POR: variants seen among roughly 807,000 people sequenced by gnomAD.
The protein encoded by POR is NADPH--cytochrome P450 reductase.
POR carries 56 observed loss-of-function variants against 84.0 expected under a neutral mutation model. That is an observed-to-expected ratio of 0.67 (90% CI 0.54 to 0.83). The LOEUF (loss-of-function observed/expected upper bound fraction) is 0.83. Ranked by LOEUF, POR falls within the 40% of genes least tolerant of loss-of-function variation. The probability of loss-of-function intolerance (pLI) is 0.00; values close to 1 mark genes in which losing one functional copy is unlikely to be tolerated. For missense variants in POR, 938 were observed against 944.3 expected (o/e 0.99, Z 0.09); for synonymous variants, 414 against 400.5 (o/e 1.03, Z -0.40).
chr7:75,957,313 C>T lies in POR; in HGVS notation c.188+3133C>T, dbSNP rs549308625. Among the ~76,000 whole-genome samples the T allele has an allele frequency of 5.3e-5, 8 of 152,196 alleles. No individual in the cohort carries two copies. In the South Asian group the frequency reaches 6.2e-4, roughly 12 times the overall value. ...TGAAAGGACTTTAGAGCAGAGGGCC[C>T]GATATAGGAAGGGCAGATCAGCTGG... On this transcript the variant is annotated intron_variant, in intron 2 of 15. Coordinates refer to ENST00000461988, the MANE Select transcript of POR (RefSeq NM_000941.3).
chr7:75,985,054 T>C lies in POR; in HGVS notation c.1249-4T>C. ...CAGCCCCATCTCACCCCCGTGTCTC[T>C]TAGGAGCTGTACCTGAGCTGGGTGG... On this transcript the variant is annotated splice_polypyrimidine_tract_variant and splice_region_variant and intron_variant, in intron 11 of 15. Coordinates refer to ENST00000461988, the MANE Select transcript of POR (RefSeq NM_000941.3). The C allele has an allele frequency of 6.3e-7, 1 of 1,596,222 alleles. No homozygotes were observed. Among genetic ancestry groups the C allele is most frequent in the Middle Eastern group, 1.7e-4 (1 of 6,040 alleles).
At chr7:75,963,300 A>G (rs903587343) in intron 2 of POR, among the ~76,000 whole-genome samples, 2 of 152,188 alleles carry the variant, frequency 1.3e-5, no homozygotes, top group Non-Finnish European at 2.9e-5. Flanking sequence ...CAGGGGGCCC[A>G]CTGCCTCCCG....
chr7:75,966,957 T>C (rs2116499446), intron 2 of POR, among the ~76,000 whole-genome samples: 1 of 152,256 alleles, frequency 6.6e-6, no homozygotes, highest in Non-Finnish European at 1.5e-5. Context: ...GGCTGGAGCC[T>C]TGGGCTTTCT....
intron 1 of POR, among the ~76,000 whole-genome samples, chr7:75,952,691 G>C (rs1431560062): frequency 6.7e-6 from 1 of 148,442 alleles, no homozygotes; most frequent in Non-Finnish European, 1.5e-5. Flanking sequence ...ACGGGGCGGC[G>C]GGGCAGAGGC....
intron 1 of POR, among the ~76,000 whole-genome samples, chr7:75,948,155 G>C (rs1362601572): frequency 6.6e-6 from 1 of 152,172 alleles, no homozygotes; most frequent in African/African-American, 2.4e-5. Context: ...CCTGTTTCTC[G>C]TTTTGCCCGA....
intron 2 of POR, among the ~76,000 whole-genome samples, chr7:75,966,654 TG>T (rs1403166206): frequency 6.6e-6 from 1 of 152,202 alleles, no homozygotes; most frequent in African/African-American, 2.4e-5. Context: ...TCGAGTCCGC[TG>T]CAGAAAATCC....
intron 8 of POR, among the ~76,000 whole-genome samples, chr7:75,982,548 G>A (rs1054030278): frequency 7.9e-5 from 12 of 152,342 alleles, no homozygotes; most frequent in East Asian, 3.9e-4. Flanking sequence ...CACTGCCCAG[G>A]GCAGCGGGGC....
intron 1 of POR, among the ~76,000 whole-genome samples, chr7:75,939,499 CTG>C (rs1234437925): frequency 2.1e-5 from 3 of 143,590 alleles, no homozygotes; most frequent in Admixed American, 1.4e-4. Flanking sequence ...TTCACAAAGT[CTG>C]TGAATAAGAA....
At chr7:75,956,519 C>G (rs112608256) in intron 2 of POR, among the ~76,000 whole-genome samples, 10 of 152,182 alleles carry the variant, frequency 6.6e-5, no homozygotes, top group African/African-American at 1.9e-4. Context: ...AGTTTCCTCA[C>G]CTGCTAAATG....
intron 1 of POR, among the ~76,000 whole-genome samples, chr7:75,946,299 T>C (rs892304534): frequency 6.6e-6 from 1 of 152,022 alleles, no homozygotes; most frequent in African/African-American, 2.4e-5. Context: ...TGCCTAATTT[T>C]TTCTTGAGAC....
chr7:75,985,733 A>C lies in POR; in HGVS notation c.1553A>C (p.Lys518Thr). The change falls in exon 13 of 16, where the codon AAG (lysine) becomes ACG (threonine). Residue 518 changes from lysine (K) to threonine (T), a missense_variant. Physicochemically the swap from Lys to Thr is moderately conservative, Grantham distance 78 (BLOSUM62 -1). Coordinates refer to ENST00000461988, the MANE Select transcript of POR (RefSeq NM_000941.3). ...GCGCTGGTGCCCATGTTCGTGCGCAAGTCCCAGTTCCGCCTGCCCTTCAAG... is the reference window on the plus strand; with the variant it reads ...GCGCTGGTGCCCATGTTCGTGCGCACGTCCCAGTTCCGCCTGCCCTTCAAG... 6.3e-7 allele frequency: 1 copy of C among 1,588,832 alleles called. No homozygotes were observed. The highest frequency in any genetic ancestry group is 1.3e-5 in the African/African-American group (1 of 74,572).
chr7:75,938,609 A>T (rs1157641796), intron 1 of POR, among the ~76,000 whole-genome samples: 1 of 152,038 alleles, frequency 6.6e-6, no homozygotes, highest in African/African-American at 2.4e-5. Flanking sequence ...AAATTTAAAA[A>T]ATCAGCTGGT....
intron 1 of POR, among the ~76,000 whole-genome samples, chr7:75,951,379 G>A (rs1160677417): frequency 5.9e-5 from 9 of 152,114 alleles, no homozygotes; most frequent in Non-Finnish European, 1.0e-4. Flanking sequence ...GGGTGACAGA[G>A]AGAGACTCTA....
intron 1 of POR, among the ~76,000 whole-genome samples, chr7:75,917,110 C>A (rs1478967903): frequency 6.6e-6 from 1 of 151,654 alleles, no homozygotes; most frequent in Non-Finnish European, 1.5e-5. Context: ...CTCTGTCGTG[C>A]AGGCTGGAGT....
intron 2 of POR, among the ~76,000 whole-genome samples, chr7:75,956,718 G>GT (rs1787702385): frequency 6.6e-6 from 1 of 151,014 alleles, no homozygotes; most frequent in Non-Finnish European, 1.5e-5. Context: ...AAATGAGGGT[G>GT]TTGCAACATA....
chr7:75,950,745 A>T (rs993987605), intron 1 of POR, among the ~76,000 whole-genome samples: 2 of 152,206 alleles, frequency 1.3e-5, no homozygotes, highest in Admixed American at 6.5e-5. Context: ...GGACAACAGA[A>T]TTCACTTTGT....
intron 8 of POR, 167 bp from the exon 9 acceptor site, chr7:75,983,350 AAAG>A (rs1392099018): frequency 2.8e-5 from 16 of 572,370 alleles, no homozygotes; most frequent in Non-Finnish European, 4.6e-5. Context: ...CAAAAAAAAA[AAAG>A]AGAACTGCAT....
At chr7:75,917,812 A>T (rs1344614143) in intron 1 of POR, among the ~76,000 whole-genome samples, 12 of 152,006 alleles carry the variant, frequency 7.9e-5, no homozygotes, top group Non-Finnish European at 1.6e-4. Flanking sequence ...CTGGCCAAAG[A>T]TTCTGTGCTC....
Position 75,981,592 on chromosome 7 carries a change from T to C in POR, c.717T>C (p.Thr239=). Reference sequence around the variant, plus strand: ...GTGAACACTTTGGGGTGGAAGCCACTGGCGAGGAGTCCAGGTGAGCAAGTG... The same window carrying C: ...GTGAACACTTTGGGGTGGAAGCCACCGGCGAGGAGTCCAGGTGAGCAAGTG... Residue 239 remains threonine, a synonymous_variant, in exon 7 of 16, where the codon ACT becomes ACC. Transcript: ENST00000461988. 1 of 1,613,014 alleles carries C rather than the reference T, an allele frequency of 6.2e-7. No homozygotes were observed. Among genetic ancestry groups the C allele is most frequent in the Non-Finnish European group, 8.5e-7 (1 of 1,179,644 alleles).
Sources: allele counts gnomAD v4.1 joint callset (sites outside exome capture counted in the v4.1 genomes callset), GRCh38; gene constraint gnomAD v4.1.1; transcripts MANE v1.5; gene names NCBI Gene and HGNC (gene_info 2026-07-23, HGNC 2026-07-21).